TAF4: variants seen among roughly 807,000 people sequenced by gnomAD.
TAF4 encodes transcription initiation factor TFIID subunit 4.
A neutral mutation model predicts 90.3 loss-of-function variants in TAF4; 9 were observed. The observed-to-expected ratio is 0.10, with a 90% CI of 0.06 to 0.17. The LOEUF (loss-of-function observed/expected upper bound fraction) is 0.17, where lower values mean the gene tolerates loss of function less well. TAF4 is among the 10% of genes least tolerant of loss of function. The pLI is 1.00. For missense variants in TAF4, 1,351 were observed against 1,370.7 expected, an observed-to-expected ratio of 0.99 and a Z score of 0.23; for synonymous variants, 818 against 638.9, an observed-to-expected ratio of 1.28 and a Z score of -4.23.
At position 62,000,641 on chromosome 20, in the gene TAF4, T is replaced by G. The variant is rs1223818202; in HGVS notation, c.2567A>C (p.Asn856Thr). 1.9e-6 allele frequency: 3 copies of G among 1,614,160 alleles called. No individual in the cohort carries two copies. The highest frequency in any genetic ancestry group is 2.5e-6 in the Non-Finnish European group (3 of 1,180,060). Residue 856 changes from asparagine to threonine, a missense_variant, in exon 10 of 15, where the codon AAC (asparagine) becomes ACC (threonine). This residue lies in a region of TAF4 where 95 missense variants were observed against 151.3 expected (regional missense o/e 0.63). Transcript: ENST00000252996. ...SEESARILAT[N>T]SELVGTLTRS... ...CGTTAGCGTGCCCACCAATTCAGAG[T>G]TCGTGGCTAATATTCTTGCACTTTC...
At chr20:62,059,025 A>G (rs921528120) in intron 1 of TAF4, among the ~76,000 whole-genome samples, 4 of 152,260 alleles carry the variant, frequency 2.6e-5, no homozygotes, top group African/African-American at 9.6e-5. Context: ...CACAGTCCCC[A>G]ACAGACAACT....
chr20:61,977,236 G>C, intron 14 of TAF4, among the ~76,000 whole-genome samples: 1 of 148,032 alleles, frequency 6.8e-6, no homozygotes, highest in Admixed American at 6.7e-5. Flanking sequence ...GCCCAGCGGG[G>C]CGCGCACCAC....
At chr20:62,013,702 C>T (rs903376157) in intron 2 of TAF4, among the ~76,000 whole-genome samples, 1 of 152,234 alleles carries the variant, frequency 6.6e-6, no homozygotes, top group Non-Finnish European at 1.5e-5. Flanking sequence ...TCATTCAGAG[C>T]AGCAGCATCA....
rs2056124177 is a variant in TAF4, at chr20:62,065,377, G to A, written c.434C>T (p.Ala145Val). Residue 145 changes from alanine to valine, a missense_variant, in exon 1 of 15, where the codon GCC becomes GTC. Around this residue, in one of 9 missense-constraint regions of TAF4, gnomAD observed 782 missense variants for 536.6 expected, o/e 1.46. Coordinates refer to ENST00000252996, the MANE Select transcript of TAF4 (RefSeq NM_003185.4). Reference protein sequence around the residue: ...GSCAPVPAAAAVAAGPEPAPA... With the variant: ...GSCAPVPAAAVVAAGPEPAPA... ...GGCGGGCTCGGGCCCCGCGGCGACG[G>A]CGGCGGCGGCGGGCACCGGGGCGCA... 3 of 910,886 alleles carry A rather than the reference G, an allele frequency of 3.3e-6. No homozygotes were observed. Among genetic ancestry groups the A allele is most frequent in the Non-Finnish European group, 3.9e-6 (3 of 767,556 alleles). The allele number at this position is 910,886 out of a possible 1,614,324, so 56.4% of individuals were successfully genotyped here. A position where few individuals can be genotyped will look rare whatever the true frequency, so the allele number is the denominator to read the frequency against.
rs370292810 is a variant in TAF4, at chr20:62,043,385, A to G, written c.1360+21066T>C. Among the ~76,000 whole-genome samples, 12 of 152,360 alleles carry G rather than the reference A, an allele frequency of 7.9e-5. No individual in the cohort carries two copies. The East Asian group carries it at 1.9e-3, about 24-fold the overall frequency. On this transcript the variant is annotated intron_variant, in intron 1 of 14. Transcript: ENST00000252996. Reference sequence around the variant, plus strand: ...TGTGTTTTAAGCTAAGTGTTACTACAAAAGAGTCAAAAAGTTTGAAAAAGT... The same window carrying G: ...TGTGTTTTAAGCTAAGTGTTACTACGAAAGAGTCAAAAAGTTTGAAAAAGT...
At chr20:62,048,671 C>T (rs1420265085) in intron 1 of TAF4, among the ~76,000 whole-genome samples, 1 of 150,930 alleles carries the variant, frequency 6.6e-6, no homozygotes, top group African/African-American at 2.4e-5. Context: ...GCACCATCCC[C>T]CCAGGGCCCT....
At chr20:62,017,625 C>T (rs1262080739) in intron 1 of TAF4, among the ~76,000 whole-genome samples, 5 of 152,016 alleles carry the variant, frequency 3.3e-5, no homozygotes, top group African/African-American at 4.8e-5. Flanking sequence ...CCAGTCTAGG[C>T]GACAGAGCGA....
rs547035090 is a variant in TAF4 at position 62,054,697 on chromosome 20, G to A, written c.1360+9754C>T. On this transcript the variant is annotated intron_variant, in intron 1 of 14. Coordinates refer to ENST00000252996, the MANE Select transcript of TAF4 (RefSeq NM_003185.4). ...CACCCTATGAATGCTGGCCTCTCCC[G>A]GCACTCCTCTCTGGCTCCCAAGCTG... 2.0e-4 allele frequency among the ~76,000 whole-genome samples: 31 copies of A among 152,118 alleles called. No individual in the cohort carries two copies. The South Asian group carries it at 5.4e-3, about 27-fold the overall frequency.
intron 10 of TAF4, 147 bp downstream of exon 10, chr20:62,000,405 T>A: frequency 7.2e-7 from 1 of 1,397,320 alleles, no homozygotes. Flanking sequence ...TACCCATATT[T>A]TACCCAAGAA....
chr20:62,051,224 T>C (rs1036874626), intron 1 of TAF4, among the ~76,000 whole-genome samples: 1 of 152,094 alleles, frequency 6.6e-6, no homozygotes, highest in Non-Finnish European at 1.5e-5. Flanking sequence ...TTGGGAGGGT[T>C]CCAGCGAGGC....
Position 62,000,237 on chromosome 20 carries a change from T to C in TAF4, c.2674A>G (p.Thr892Ala). The C allele has an allele frequency of 1.2e-6, 2 of 1,613,918 alleles. No individual in the cohort carries two copies. The highest frequency in any genetic ancestry group is 1.7e-6 in the Non-Finnish European group (2 of 1,179,842). ...CTTACTACATCTGGATGTAATTCCGTTATACCATGTTTTTTACCTAAAGGT... is the reference window on the plus strand; with the variant it reads ...CTTACTACATCTGGATGTAATTCCGCTATACCATGTTTTTTACCTAAAGGT... ...ILEIGKKHGI[T>A]ELHPDVVSYV... The change falls in exon 11 of 15, where the codon ACG becomes GCG. Residue 892 changes from threonine to alanine, a missense_variant. Thr to Ala is a moderately conservative substitution (Grantham distance 58). Transcript: ENST00000252996.
chr20:62,063,708 G>T (rs2056103374), intron 1 of TAF4, among the ~76,000 whole-genome samples: 1 of 152,206 alleles, frequency 6.6e-6, no homozygotes, highest in African/African-American at 2.4e-5. Context: ...GTAGCTAGGC[G>T]CTCCTTCCTT....
intron 1 of TAF4, chr20:62,037,716 C>T (rs2055941003): frequency 9.6e-6 from 2 of 208,276 alleles, no homozygotes; most frequent in Non-Finnish European, 2.0e-5. Flanking sequence ...GGTCACCAAC[C>T]CTGTGTCCAG....
chr20:61,990,196 T>C (rs1473303081), intron 14 of TAF4, among the ~76,000 whole-genome samples: 1 of 151,992 alleles, frequency 6.6e-6, no homozygotes, highest in Admixed American at 6.6e-5. Context: ...AAAGTGTACA[T>C]ATTGAAAAAG....
At chr20:61,993,099 A>T (rs1600831185) in intron 14 of TAF4, among the ~76,000 whole-genome samples, 1 of 152,314 alleles carries the variant, frequency 6.6e-6, no homozygotes, top group East Asian at 1.9e-4. Context: ...CCAAGCGGCC[A>T]AACAGTAGTG....
In TAF4 at chr20:62,000,821, C is replaced by A. The variant is rs939243843; in HGVS notation, c.2487-100G>T. 6 of 1,330,154 alleles carry A rather than the reference C, an allele frequency of 4.5e-6. No homozygotes were observed. The African/African-American group carries it at 8.7e-5, about 19-fold the overall frequency. 82.4% of individuals were successfully genotyped at this position (1,330,154 alleles called of 1,614,324 possible). A position where few individuals can be genotyped will look rare whatever the true frequency, so the allele number is the denominator to read the frequency against. On this transcript the variant is annotated intron_variant, in intron 9 of 14. Transcript: ENST00000252996. The stretch of plus-strand genomic sequence containing the variant: ...GGAAACCCCACGTGGAAGGCAGGGC[C>A]GTGAGGAGGCCAGGCCTCTGTCCTC...
At position 62,004,323 on chromosome 20, in the gene TAF4, C is replaced by CTTTTTTTTTTTTT. The variant is rs1434356168; in HGVS notation, c.2224-446_2224-445insAAAAAAAAAAAAA. On this transcript the variant is annotated intron_variant, in intron 7 of 14. Transcript: ENST00000252996. ...TCATCTGAATTTTCTTTTTTCTTTTCTTTTCTTTTTTTTTTTTTTTTTGAG... is the reference window on the plus strand; with the variant it reads ...TCATCTGAATTTTCTTTTTTCTTTTCTTTTTTTTTTTTTTTTTCTTTTTTTTTTTTTTTTTGAG... 5.3e-5 allele frequency among the ~76,000 whole-genome samples: 6 copies of CTTTTTTTTTTTTT among 114,002 alleles called. 1 individual carries two copies. Among genetic ancestry groups the CTTTTTTTTTTTTT allele is most frequent in the African/African-American group, 1.8e-4 (6 of 33,202 alleles). The allele number at this position is 114,002 out of a possible 152,430, so 74.8% of individuals were successfully genotyped here. A position where few individuals can be genotyped will look rare whatever the true frequency, so the allele number is the denominator to read the frequency against.
At chr20:61,992,578 G>A (rs996146980) in intron 14 of TAF4, among the ~76,000 whole-genome samples, 1 of 151,902 alleles carries the variant, frequency 6.6e-6, no homozygotes, top group Non-Finnish European at 1.5e-5. Context: ...ACCTGAATTG[G>A]AAATACCCAT....
At position 62,065,444 on chromosome 20, in the gene TAF4, C is replaced by A; in HGVS notation, c.367G>T (p.Ala123Ser). The change falls in exon 1 of 15, where the codon GCC becomes TCC. Residue 123 changes from alanine to serine, a missense_variant. Physicochemically the swap from Ala to Ser is moderately conservative, Grantham distance 99 (BLOSUM62 1). Around this residue, in one of 9 missense-constraint regions of TAF4, gnomAD observed 782 missense variants for 536.6 expected, o/e 1.46. Coordinates refer to ENST00000252996, the MANE Select transcript of TAF4 (RefSeq NM_003185.4). ...PLVPAGPAPPAAKLRPPPEGS... is the reference protein window; with the variant it reads ...PLVPAGPAPPSAKLRPPPEGS... ...TCGGGCGGCGGCCTCAGCTTCGCGG[C>A]GGGCGGCGCGGGCCCTGCGGGGACA... 1.0e-6 allele frequency: 1 copy of A among 974,900 alleles called. No homozygotes were observed. The highest frequency in any genetic ancestry group is 1.2e-6 in the Non-Finnish European group (1 of 824,970). The allele number at this position is 974,900 out of a possible 1,614,324, so 60.4% of individuals were successfully genotyped here. A position where few individuals can be genotyped will look rare whatever the true frequency, so the allele number is the denominator to read the frequency against.
Sources: gnomAD v4.1 joint callset for allele counts (sites outside exome capture counted in the v4.1 genomes callset) on GRCh38, gnomAD v4.1.1 for gene constraint, gnomAD v4.1.1 regional missense constraint, MANE v1.5 for transcripts, NCBI Gene and HGNC (gene_info 2026-07-23, HGNC 2026-07-21) for gene names.